Variants in GPC4 observed in about 807,000 individuals in gnomAD.
GPC4 encodes the protein glypican-4.
In GPC4, 10 loss-of-function variants were observed where a neutral mutation model predicts 35.0. The observed-to-expected ratio is 0.29, with a 90% CI of 0.18 to 0.48. The LOEUF is 0.48. Ranked by LOEUF, GPC4 falls within the 20% of genes least tolerant of loss-of-function variation. GPC4 has a pLI of 0.99. For missense variants in GPC4, 322 were observed against 451.3 expected (o/e 0.71, Z 2.60); for synonymous variants, 167 against 170.2 (o/e 0.98, Z 0.15).
intron 1 of GPC4, among the ~76,000 whole-genome samples, chrX:133,404,546 C>CAAAAAAAAAAAAA (rs766777711): frequency 0.04 from 1,502 of 37,114 alleles, 142 homozygotes; most frequent in African/African-American, 0.058. Context: ...GACTCTGCCT[C>CAAAAAAAAAAAAA]AAAAAAAAAA....
At chrX:133,391,004 C>T (rs765876535) in intron 1 of GPC4, among the ~76,000 whole-genome samples, 4 of 111,766 alleles carry the variant, frequency 3.6e-5, no homozygotes, top group Non-Finnish European at 7.5e-5. Context: ...AGCCTACAGT[C>T]TAGTGTAAAT....
chrX:133,308,291 G>T (rs2068299849), intron 4 of GPC4, among the ~76,000 whole-genome samples: 1 of 111,952 alleles, frequency 8.9e-6, no homozygotes, highest in East Asian at 2.8e-4. Context: ...GACCTGGCTG[G>T]TGTCCCCGCC....
At position 133,300,814 on chromosome X, in the gene GPC4, A is replaced by C. The variant is rs758619409; in HGVS notation, c.*2053T>G. 5.4e-5 allele frequency: 6 copies of C among 111,990 alleles called. No individual in the cohort carries two copies. The East Asian group carries it at 1.7e-3, about 31-fold the overall frequency. 9.2% of individuals were successfully genotyped at this position (111,990 alleles called of 1,213,427 possible). A position where few individuals can be genotyped will look rare whatever the true frequency, so the allele number is the denominator to read the frequency against. ...GATAACTCTCTGAGCCATATTTTGG[A>C]GACCAGATTCATTTCTACCAAGTAA... On this transcript the variant is annotated 3_prime_UTR_variant, in exon 9 of 9. Coordinates refer to ENST00000370828, the MANE Select transcript of GPC4 (RefSeq NM_001448.3).
chrX:133,378,202 G>A (rs944909925), intron 1 of GPC4, among the ~76,000 whole-genome samples: 13 of 111,314 alleles, frequency 1.2e-4, no homozygotes, highest in African/African-American at 2.9e-4. Context: ...ATGGTTTTTA[G>A]TGTATTCAAA....
intron 3 of GPC4, among the ~76,000 whole-genome samples, chrX:133,319,443 CAAAAAAAAAAAAAA>C (rs369290840): frequency 5.3e-4 from 9 of 16,888 alleles, no homozygotes; most frequent in Middle Eastern, 0.048. Context: ...GACCCTATGT[CAAAAAAAAAAAAAA>C]AAAAAAAAAA....
intron 1 of GPC4, among the ~76,000 whole-genome samples, chrX:133,404,546 C>CAAAAA (rs766777711): frequency 3.2e-4 from 12 of 37,370 alleles, no homozygotes; most frequent in Admixed American, 7.0e-4. Flanking sequence ...GACTCTGCCT[C>CAAAAA]AAAAAAAAAA....
chrX:133,354,661 C>T (rs186076239), intron 1 of GPC4, among the ~76,000 whole-genome samples: 2,526 of 106,725 alleles, frequency 0.024, 43 homozygotes, highest in Middle Eastern at 0.038. Context: ...CTCCGCTTCC[C>T]GGGTTCACGC....
intron 2 of GPC4, among the ~76,000 whole-genome samples, chrX:133,337,321 C>T (rs749030649): frequency 8.9e-6 from 1 of 111,754 alleles, no homozygotes; most frequent in Non-Finnish European, 1.9e-5. Flanking sequence ...AAGAAGAAAA[C>T]AACAACAACA....
intron 1 of GPC4, among the ~76,000 whole-genome samples, chrX:133,350,832 T>C (rs912594450): frequency 5.4e-5 from 6 of 111,674 alleles, no homozygotes; most frequent in African/African-American, 1.6e-4. Flanking sequence ...TTTTATAACA[T>C]GAGAGAAAAA....
intron 1 of GPC4, among the ~76,000 whole-genome samples, chrX:133,398,859 TGTTCTCA>T (rs2068756342): frequency 9.0e-6 from 1 of 111,516 alleles, no homozygotes; most frequent in Non-Finnish European, 1.9e-5. Flanking sequence ...CGGAAGACTC[TGTTCTCA>T]GAGCAGCAGC....
intron 3 of GPC4, among the ~76,000 whole-genome samples, chrX:133,316,581 G>C (rs1455673843): frequency 8.9e-6 from 1 of 111,820 alleles, no homozygotes; most frequent in African/African-American, 3.2e-5. Flanking sequence ...TTGACCAAAT[G>C]AATCAATTTT....
intron 1 of GPC4, among the ~76,000 whole-genome samples, chrX:133,357,656 C>T (rs1021805874): frequency 1.8e-5 from 2 of 110,551 alleles, no homozygotes; most frequent in Non-Finnish European, 3.8e-5. Flanking sequence ...GGATGATAGG[C>T]CCACGTCACC....
chrX:133,391,919 G>C (rs968077594), intron 1 of GPC4, among the ~76,000 whole-genome samples: 1 of 111,880 alleles, frequency 8.9e-6, no homozygotes, highest in African/African-American at 3.2e-5. Context: ...CCAAAGGTTA[G>C]AAGAGGTGAG....
intron 2 of GPC4, among the ~76,000 whole-genome samples, chrX:133,325,708 G>A (rs1442943527): frequency 1.8e-5 from 2 of 112,006 alleles, no homozygotes; most frequent in Non-Finnish European, 3.8e-5. Flanking sequence ...AAGAAAATAT[G>A]ACACCTACTT....
At chrX:133,318,139 A>T (rs2068347133) in intron 3 of GPC4, among the ~76,000 whole-genome samples, 2 of 111,101 alleles carry the variant, frequency 1.8e-5, no homozygotes, top group South Asian at 7.7e-4. Flanking sequence ...TACCATCCTC[A>T]CCCCTTCCCC....
intron 1 of GPC4, among the ~76,000 whole-genome samples, chrX:133,404,746 T>G (rs2124183636): frequency 9.4e-6 from 1 of 105,861 alleles, no homozygotes; most frequent in Non-Finnish European, 1.9e-5. Flanking sequence ...TCACAGCTAC[T>G]TGGAAGGCTG....
chrX:133,309,349 C>G (rs1442012151), intron 4 of GPC4, among the ~76,000 whole-genome samples: 1 of 112,437 alleles, frequency 8.9e-6, no homozygotes, highest in Non-Finnish European at 1.9e-5. Context: ...ACAAGAACAA[C>G]AACAGCAACT....
At chrX:133,391,399 C>T (rs887694739) in intron 1 of GPC4, among the ~76,000 whole-genome samples, 1 of 112,096 alleles carries the variant, frequency 8.9e-6, no homozygotes, top group Non-Finnish European at 1.9e-5. Context: ...TCCCAAGAGG[C>T]CACTTGTAAA....
At chrX:133,313,608 G>T (rs1168913624) in intron 3 of GPC4, among the ~76,000 whole-genome samples, 2 of 111,499 alleles carry the variant, frequency 1.8e-5, no homozygotes, top group African/African-American at 6.5e-5. Flanking sequence ...GGGGGGAGGT[G>T]GCCTGAGAAG....
Sources: gnomAD v4.1 joint callset for allele counts (sites outside exome capture counted in the v4.1 genomes callset) on GRCh38, gnomAD v4.1.1 for gene constraint, MANE v1.5 for transcripts, NCBI Gene and HGNC (gene_info 2026-07-23, HGNC 2026-07-21) for gene names.